The following MTUS2 variants were observed in gnomAD, a reference collection of about 807,000 sequenced individuals.
MTUS2 encodes the protein microtubule associated scaffold protein 2.
A neutral mutation model predicts 114.1 loss-of-function variants in MTUS2; 40 were observed. That is an observed-to-expected ratio of 0.35 (90% CI 0.27 to 0.46). The LOEUF (loss-of-function observed/expected upper bound fraction) is 0.46, where lower values mean the gene tolerates loss of function less well. Ranked by LOEUF, MTUS2 falls within the 20% of genes least tolerant of loss-of-function variation. The pLI is 1.00. For missense variants in MTUS2, 1,679 were observed against 1,705.4 expected (o/e 0.98, Z 0.27); for synonymous variants, 688 against 672.0 (o/e 1.02, Z -0.37).
rs115089877 is a variant in MTUS2, at chr13:28,973,895, C to T, written c.-242-50562C>T. Among the ~76,000 whole-genome samples the T allele has an allele frequency of 2.1e-3, 319 of 152,302 alleles. 1 individual carries two copies. Among genetic ancestry groups the T allele is most frequent in the African/African-American group, 7.1e-3 (295 of 41,556 alleles). On this transcript the variant is annotated intron_variant, in intron 2 of 15. Coordinates refer to ENST00000612955, the MANE Select transcript of MTUS2 (RefSeq NM_001033602.4). ...TAGAATTGATGGTGCTCTCTGCTGT[C>T]GGGTATGTGATGTGTTGCACTTAGG...
chr13:29,254,810 G>T lies in MTUS2; in HGVS notation c.2645-26894G>T, dbSNP rs189720599. On this transcript the variant is annotated intron_variant, in intron 5 of 15. Coordinates refer to ENST00000612955, the MANE Select transcript of MTUS2 (RefSeq NM_001033602.4). The stretch of plus-strand genomic sequence containing the variant: ...GATTACATCCACCTCACCTCTTCCT[G>T]CAGTTTTTCATCTTTTTGTACTCTT... Among the ~76,000 whole-genome samples the T allele has an allele frequency of 8.0e-4, 122 of 152,270 alleles. 2 individuals are homozygous for T. The highest frequency in any genetic ancestry group is 2.3e-3 in the Admixed American group (35 of 15,302).
chr13:28,994,407 A>C (rs989188454), intron 2 of MTUS2, among the ~76,000 whole-genome samples: 3 of 152,118 alleles, frequency 2.0e-5, no homozygotes, highest in African/African-American at 7.2e-5. Context: ...AATCCTTTGG[A>C]TATATACCCA....
In MTUS2 at chr13:29,049,356, T is replaced by C. The variant is rs75805864; in HGVS notation, c.2446+15231T>C. Among the ~76,000 whole-genome samples, 584 of 152,272 alleles carry C rather than the reference T, an allele frequency of 3.8e-3. 1 individual carries two copies. Among genetic ancestry groups the C allele is most frequent in the African/African-American group, 0.014 (567 of 41,578 alleles). On this transcript the variant is annotated intron_variant, in intron 4 of 15. Transcript: ENST00000612955. Reference sequence around the variant, plus strand: ...TGAGGCCCTTAGGATAGCGGGGGGCTGTAGAGCTTAGGGAGGCTGAAGTTT... The same window carrying C: ...TGAGGCCCTTAGGATAGCGGGGGGCCGTAGAGCTTAGGGAGGCTGAAGTTT...
chr13:29,157,894 A>G (rs1260681773), intron 5 of MTUS2, among the ~76,000 whole-genome samples: 1 of 152,238 alleles, frequency 6.6e-6, no homozygotes, highest in African/African-American at 2.4e-5. Context: ...AACACTGGGC[A>G]TAGTGTCAGT....
At chr13:29,319,316 C>T (rs9285064) in intron 6 of MTUS2, among the ~76,000 whole-genome samples, 56,532 of 152,056 alleles carry the variant, frequency 0.37, 10,847 homozygotes, top group African/African-American at 0.48. Context: ...ACGTGAGGCA[C>T]GACTGTCCCC....
chr13:28,913,608 A>G (rs1470770803), intron 2 of MTUS2, among the ~76,000 whole-genome samples: 1 of 152,100 alleles, frequency 6.6e-6, no homozygotes. Context: ...CTAGTTTGGT[A>G]TCAGGATGAT....
At chr13:29,491,075 G>T (rs961412251) in intron 11 of MTUS2, among the ~76,000 whole-genome samples, 65 of 150,998 alleles carry the variant, frequency 4.3e-4, no homozygotes, top group Non-Finnish European at 6.8e-4. Context: ...GGATGTGGGA[G>T]TGTGTGTGTG....
chr13:29,180,273 T>G (rs1238953231), intron 5 of MTUS2, among the ~76,000 whole-genome samples: 2 of 152,104 alleles, frequency 1.3e-5, no homozygotes, highest in Non-Finnish European at 2.9e-5. Context: ...TGCAATTGAG[T>G]AGGTCACTTG....
intron 5 of MTUS2, among the ~76,000 whole-genome samples, chr13:29,244,620 G>T (rs139998948): frequency 3.3e-4 from 51 of 152,286 alleles, no homozygotes; most frequent in South Asian, 6.2e-4. Context: ...GCTCCAAGGT[G>T]CAGTGCTTGA....
intron 5 of MTUS2, among the ~76,000 whole-genome samples, chr13:29,194,313 C>G (rs1593584376): frequency 6.6e-6 from 1 of 151,458 alleles, no homozygotes; most frequent in South Asian, 2.1e-4. Flanking sequence ...AGGCAACCTA[C>G]AAAATGGGAG....
chr13:29,423,738 A>C (rs1876292033), intron 8 of MTUS2, among the ~76,000 whole-genome samples: 1 of 152,230 alleles, frequency 6.6e-6, no homozygotes, highest in South Asian at 2.1e-4. Context: ...TTAGGCATTT[A>C]TCCTGTCCTT....
intron 8 of MTUS2, among the ~76,000 whole-genome samples, chr13:29,421,570 C>T (rs771478091): frequency 1.2e-4 from 18 of 152,200 alleles, no homozygotes; most frequent in Non-Finnish European, 2.2e-4. Flanking sequence ...CCTGCATTGC[C>T]CTAGGAAATG....
At chr13:29,497,548 T>A in intron 13 of MTUS2, 1 of 579,890 alleles carries the variant, frequency 1.7e-6, no homozygotes, top group Non-Finnish European at 3.1e-6. Flanking sequence ...TCCAGCTACG[T>A]GTTATTTTTG....
chr13:29,118,301 C>T (rs534361692), intron 5 of MTUS2, among the ~76,000 whole-genome samples: 24 of 151,656 alleles, frequency 1.6e-4, no homozygotes, highest in African/African-American at 5.6e-4. Context: ...GAGATGGATG[C>T]CAGGAGAGGT....
At chr13:29,430,818 C>G (rs1006847757) in intron 8 of MTUS2, among the ~76,000 whole-genome samples, 1 of 152,186 alleles carries the variant, frequency 6.6e-6, no homozygotes, top group African/African-American at 2.4e-5. Context: ...TCCATTCCAA[C>G]TTCAAACTCT....
chr13:29,097,601 C>T (rs1890232679), intron 4 of MTUS2, among the ~76,000 whole-genome samples: 1 of 152,178 alleles, frequency 6.6e-6, no homozygotes, highest in Admixed American at 6.5e-5. Flanking sequence ...GTACCATAGA[C>T]AGTGTAGCGT....
chr13:28,905,998 G>A (rs528645070), intron 2 of MTUS2, among the ~76,000 whole-genome samples: 9 of 151,642 alleles, frequency 5.9e-5, no homozygotes, highest in Admixed American at 2.0e-4. Flanking sequence ...TGTATGTGTC[G>A]AGGAATTTAT....
At chr13:28,959,905 G>A (rs74488607) in intron 2 of MTUS2, among the ~76,000 whole-genome samples, 1,706 of 152,214 alleles carry the variant, frequency 0.011, 36 homozygotes, top group African/African-American at 0.039. Flanking sequence ...CATTTCTTCT[G>A]CCAGAGCATT....
chr13:29,053,748 T>A (rs1888006860), intron 4 of MTUS2, among the ~76,000 whole-genome samples: 1 of 152,230 alleles, frequency 6.6e-6, no homozygotes, highest in Non-Finnish European at 1.5e-5. Flanking sequence ...GCATTTGTAG[T>A]TCATTCCTTT....
Sources: allele counts gnomAD v4.1 joint callset (sites outside exome capture counted in the v4.1 genomes callset), GRCh38; gene constraint gnomAD v4.1.1; transcripts MANE v1.5; gene names NCBI Gene and HGNC (gene_info 2026-07-23, HGNC 2026-07-21).